TGM2: variants seen among roughly 807,000 people sequenced by gnomAD.
TGM2 encodes protein-glutamine gamma-glutamyltransferase 2.
In TGM2, 53 loss-of-function variants were observed where a neutral mutation model predicts 75.6. The observed-to-expected ratio is 0.70, with a 90% confidence interval of 0.56 to 0.88. The LOEUF is 0.88. Ranked by LOEUF, TGM2 falls within the 40% of genes least tolerant of loss-of-function variation. TGM2 has a pLI of 0.00. For synonymous variants in TGM2, 374 were observed against 381.1 expected, an observed-to-expected ratio of 0.98 and a Z score of 0.22; for missense variants, 842 against 928.5, an observed-to-expected ratio of 0.91 and a Z score of 1.21.
upstream of TGM2, among the ~76,000 whole-genome samples, chr20:38,167,854 C>A (rs1227603748): frequency 2.0e-5 from 3 of 152,154 alleles, no homozygotes; most frequent in Non-Finnish European, 1.5e-5. Context: ...AAATTTTGGC[C>A]TCCTCACTGT....
chr20:38,138,528 AGGAC>A, intron 9 of TGM2, 143 bp from the exon 10 acceptor site: 1 of 1,482,984 alleles, frequency 6.7e-7, no homozygotes, highest in South Asian at 1.2e-5. Context: ...CTGGGCCAGA[AGGAC>A]ACAGCATTTC....
intron 8 of TGM2, among the ~76,000 whole-genome samples, chr20:38,140,935 A>C (rs560274008): frequency 6.6e-6 from 1 of 152,322 alleles, no homozygotes; most frequent in South Asian, 2.1e-4. Context: ...ATACATACAT[A>C]TATAAACACA....
At chr20:38,141,075 T>C (rs944592685) in intron 8 of TGM2, among the ~76,000 whole-genome samples, 2 of 152,222 alleles carry the variant, frequency 1.3e-5, no homozygotes, top group African/African-American at 4.8e-5. Context: ...TCTCTGTATT[T>C]CCTGCTTTCC....
chr20:38,149,158 A>G (rs893060764), intron 4 of TGM2, among the ~76,000 whole-genome samples: 3 of 152,202 alleles, frequency 2.0e-5, no homozygotes, highest in African/African-American at 4.8e-5. Flanking sequence ...TTTCACTTGC[A>G]TAGTTCCCTT....
At chr20:38,131,962 T>A (rs2074839096) in intron 11 of TGM2, among the ~76,000 whole-genome samples, 1 of 152,020 alleles carries the variant, frequency 6.6e-6, no homozygotes, top group African/African-American at 2.4e-5. Context: ...TGCCCAGGGC[T>A]GCCCTGGTAC....
At chr20:38,165,151 G>A (rs2075297698) in intron 1 of TGM2, 38 bp downstream of exon 1, 2 of 1,613,852 alleles carry the variant, frequency 1.2e-6, no homozygotes, top group South Asian at 1.1e-5. Flanking sequence ...AATGCCCCGG[G>A]GCCCCTGAGT....
chr20:38,146,620 G>T, intron 6 of TGM2, 97 bp downstream of exon 6: 1 of 1,450,240 alleles, frequency 6.9e-7, no homozygotes, highest in Non-Finnish European at 9.5e-7. Context: ...GTTGGTGGCA[G>T]GGGGCAGGAC....
chr20:38,164,967 G>A (rs1242215238), intron 1 of TGM2, among the ~76,000 whole-genome samples: 2 of 152,242 alleles, frequency 1.3e-5, no homozygotes, highest in African/African-American at 2.4e-5. Flanking sequence ...ACAACACCCC[G>A]TCGCGTTCCA....
intron 1 of TGM2, among the ~76,000 whole-genome samples, chr20:38,162,010 T>A (rs2075260245): frequency 1.3e-5 from 2 of 152,114 alleles, no homozygotes; most frequent in African/African-American, 4.8e-5. Flanking sequence ...TTCTTCATTT[T>A]TGGTTTTGCC....
At chr20:38,156,417 G>A (rs2075188349) in intron 2 of TGM2, among the ~76,000 whole-genome samples, 1 of 152,290 alleles carries the variant, frequency 6.6e-6, no homozygotes, top group African/African-American at 2.4e-5. Flanking sequence ...ATGTGACTCG[G>A]GACAAGCCCA....
chr20:38,163,157 T>C (rs1465894811), intron 1 of TGM2, among the ~76,000 whole-genome samples: 1 of 152,090 alleles, frequency 6.6e-6, no homozygotes, highest in Non-Finnish European at 1.5e-5. Context: ...GGGTGACAGA[T>C]GGGTGGGGGT....
chr20:38,149,899 G>T (rs1278579425), intron 4 of TGM2, among the ~76,000 whole-genome samples: 1 of 152,100 alleles, frequency 6.6e-6, no homozygotes, highest in African/African-American at 2.4e-5. Flanking sequence ...ATGATATTCA[G>T]ATGAGAAAAC....
chr20:38,166,593 G>A (rs1428715434), upstream of TGM2: 1 of 152,216 alleles, frequency 6.6e-6, no homozygotes, highest in Non-Finnish European at 1.5e-5. Flanking sequence ...TCTACATTCC[G>A]GAGCAAGCTC....
At position 38,146,831 on chromosome 20, in the gene TGM2, C is replaced by T. The variant is rs752661353; in HGVS notation, c.745G>A (p.Val249Ile). 22 of 1,614,150 alleles carry T rather than the reference C, an allele frequency of 1.4e-5. No individual in the cohort carries two copies. The highest frequency in any genetic ancestry group is 1.2e-4 in the Admixed American group (7 of 60,030). Residue 249 changes from valine to isoleucine, a missense_variant, in exon 6 of 13, where the codon GTC becomes ATC. Transcript: ENST00000361475. ...GRWDNNYGDG[V>I]SPMSWIGSVD... is the part of the protein sequence containing the mutation. The stretch of plus-strand genomic sequence containing the variant: ...CTGCCGATCCAGGACATGGGGCTGA[C>T]GCCGTCCCCGTAGTTGTTGTCCCAG...
intron 8 of TGM2, 65 bp from the exon 9 acceptor site, chr20:38,139,719 C>A: frequency 6.3e-7 from 1 of 1,598,534 alleles, no homozygotes; most frequent in Non-Finnish European, 8.5e-7. Flanking sequence ...CTCTAAAACG[C>A]TCCACAATTC....
chr20:38,155,153 CA>C (rs1449860852), intron 3 of TGM2, among the ~76,000 whole-genome samples: 1 of 151,940 alleles, frequency 6.6e-6, no homozygotes, highest in African/African-American at 2.4e-5. Flanking sequence ...AACAGGGCCC[CA>C]TGAAACAGAA....
chr20:38,135,381 C>A (rs944534091), intron 10 of TGM2, among the ~76,000 whole-genome samples: 1 of 147,108 alleles, frequency 6.8e-6, no homozygotes, highest in Non-Finnish European at 1.5e-5. Context: ...GTAACAAAAC[C>A]GCACTTGGAC....
chr20:38,152,563 TC>T (rs1230343289), intron 3 of TGM2, among the ~76,000 whole-genome samples: 6 of 152,202 alleles, frequency 3.9e-5, no homozygotes, highest in African/African-American at 1.2e-4. Context: ...GACTGTGACA[TC>T]CCCAGCTCAG....
chr20:38,156,471 CA>C (rs1438450572), intron 2 of TGM2, among the ~76,000 whole-genome samples: 2 of 152,284 alleles, frequency 1.3e-5, no homozygotes, highest in South Asian at 4.1e-4. Context: ...GTAGCATAGA[CA>C]AGGATTAGGC....
Sources: gnomAD v4.1 joint callset for allele counts (sites outside exome capture counted in the v4.1 genomes callset) on GRCh38, gnomAD v4.1.1 for gene constraint, MANE v1.5 for transcripts, NCBI Gene and HGNC (gene_info 2026-07-23, HGNC 2026-07-21) for gene names.